The following IMMP2L variants were observed in gnomAD, a reference collection of about 807,000 sequenced individuals.
IMMP2L encodes mitochondrial inner membrane protease subunit 2.
In IMMP2L, 18 loss-of-function variants were observed where a neutral mutation model predicts 19.3. That is an observed-to-expected ratio of 0.93 (90% CI 0.64 to 1.38). The LOEUF (loss-of-function observed/expected upper bound fraction) is 1.38, where lower values mean the gene tolerates loss of function less well. Ranked by LOEUF, IMMP2L falls within the 40% of genes most tolerant of loss-of-function variation. The pLI is 0.00. For missense variants in IMMP2L, 233 were observed against 218.2 expected, an observed-to-expected ratio of 1.07 and a Z score of -0.43; for synonymous variants, 76 against 73.0, an observed-to-expected ratio of 1.04 and a Z score of -0.21.
At chr7:110,761,697 G>C (rs1798359338) in intron 5 of IMMP2L, among the ~76,000 whole-genome samples, 1 of 152,140 alleles carries the variant, frequency 6.6e-6, no homozygotes, top group Non-Finnish European at 1.5e-5. Flanking sequence ...ACTATCTTGT[G>C]AAGCAAATAT....
At position 110,870,871 on chromosome 7, in the gene IMMP2L, T is replaced by C. The variant is rs533843969; in HGVS notation, c.408+15722A>G. 2.6e-5 allele frequency among the ~76,000 whole-genome samples: 4 copies of C among 152,258 alleles called. No homozygotes were observed. The highest frequency in any genetic ancestry group is 7.2e-5 in the African/African-American group (3 of 41,566). ...AACAGGAAGCCACTGAAGTGTTTCATGTAGGCTAGAGATCGGGTTTGAGGA... is the reference window on the plus strand; with the variant it reads ...AACAGGAAGCCACTGAAGTGTTTCACGTAGGCTAGAGATCGGGTTTGAGGA... On this transcript the variant is annotated intron_variant, in intron 5 of 5. Coordinates refer to ENST00000405709, the MANE Select transcript of IMMP2L (RefSeq NM_032549.4). The surrounding 1 kb of genome is among the most constrained non-coding windows in gnomAD (Gnocchi z 4.2).
intron 5 of IMMP2L, among the ~76,000 whole-genome samples, chr7:110,798,014 A>G (rs1317514587): frequency 1.3e-5 from 2 of 152,038 alleles, no homozygotes; most frequent in East Asian, 3.9e-4. Flanking sequence ...ATTAACACAA[A>G]AGAAATGCCA....
chr7:110,714,764 T>G (rs1412966246), intron 5 of IMMP2L, among the ~76,000 whole-genome samples: 1 of 152,066 alleles, frequency 6.6e-6, no homozygotes, highest in African/African-American at 2.4e-5. Context: ...GCCCAGCTAA[T>G]TTTTGTATTT....
At chr7:110,691,056 C>T (rs779595645) in intron 5 of IMMP2L, among the ~76,000 whole-genome samples, 35 of 152,072 alleles carry the variant, frequency 2.3e-4, no homozygotes, top group Admixed American at 2.0e-4. Context: ...CATCACATTA[C>T]CCAACTTCAA....
chr7:111,451,603 C>A (rs1228874215), intron 3 of IMMP2L, among the ~76,000 whole-genome samples: 3 of 147,892 alleles, frequency 2.0e-5, no homozygotes, highest in African/African-American at 7.5e-5. Flanking sequence ...GGGAGATATA[C>A]CTAATGCTAG....
chr7:110,703,177 C>G (rs1447324701), intron 5 of IMMP2L, among the ~76,000 whole-genome samples: 2 of 152,020 alleles, frequency 1.3e-5, no homozygotes. Context: ...AATGCTTTTT[C>G]TGCATCAGTT....
At chr7:111,201,176 C>T (rs1810062611) in intron 3 of IMMP2L, among the ~76,000 whole-genome samples, 1 of 151,560 alleles carries the variant, frequency 6.6e-6, no homozygotes, top group Non-Finnish European at 1.5e-5. Context: ...ATCTTTTAAA[C>T]ACAAACAATT....
chr7:111,184,015 A>G (rs899162206), intron 3 of IMMP2L, among the ~76,000 whole-genome samples: 12 of 152,200 alleles, frequency 7.9e-5, no homozygotes, highest in African/African-American at 2.6e-4. Flanking sequence ...TGTCGTCACA[A>G]TAATAGGGAC....
intron 3 of IMMP2L, among the ~76,000 whole-genome samples, chr7:111,136,642 A>G (rs960785924): frequency 8.5e-5 from 13 of 152,176 alleles, no homozygotes; most frequent in Non-Finnish European, 1.6e-4. Context: ...CAGGTGTGCT[A>G]ATCTCTAATC....
At chr7:111,366,087 A>C (rs1829732855) in intron 3 of IMMP2L, among the ~76,000 whole-genome samples, 1 of 152,070 alleles carries the variant, frequency 6.6e-6, no homozygotes, top group South Asian at 2.1e-4. Flanking sequence ...CTAAATCAAG[A>C]AGAGAAATTT....
chr7:111,046,211 A>G lies in IMMP2L; in HGVS notation c.240-82646T>C, dbSNP rs1014776572. ...ATGTATAGTCATTAAAATTTTAAAA[A>G]GAACCAATAGATTAAATAAACTGTA... On this transcript the variant is annotated intron_variant, in intron 3 of 5. Coordinates refer to ENST00000405709, the MANE Select transcript of IMMP2L (RefSeq NM_032549.4). Among the ~76,000 whole-genome samples, 5 of 152,282 alleles carry G rather than the reference A, an allele frequency of 3.3e-5. No homozygotes were observed. The East Asian group carries it at 9.6e-4, about 29-fold the overall frequency.
intron 2 of IMMP2L, among the ~76,000 whole-genome samples, chr7:111,491,195 T>C (rs1843067919): frequency 6.6e-6 from 1 of 152,124 alleles, no homozygotes; most frequent in Non-Finnish European, 1.5e-5. Context: ...TACTTTATTG[T>C]AAAAATATAG....
intron 4 of IMMP2L, among the ~76,000 whole-genome samples, chr7:110,945,432 G>T (rs574793973): frequency 1.3e-4 from 20 of 151,806 alleles, no homozygotes; most frequent in African/African-American, 4.4e-4. Context: ...TACCCACCTC[G>T]CTTGCTTCTT....
At position 110,925,818 on chromosome 7, in the gene IMMP2L, TGAAGA is replaced by T. The variant is rs1416806305; in HGVS notation, c.305+37677_305+37681del. 2.6e-5 allele frequency among the ~76,000 whole-genome samples: 4 copies of T among 151,980 alleles called. No individual in the cohort carries two copies. The East Asian group carries it at 7.7e-4, about 29-fold the overall frequency. On this transcript the variant is annotated intron_variant, in intron 4 of 5. Transcript: ENST00000405709. ...AATCCACGAGAAAAGAAAATATTAA[TGAAGA>T]GAATACAAAGAAGGCAAAAATAGGA...
At chr7:110,830,135 G>C (rs1024025818) in intron 5 of IMMP2L, among the ~76,000 whole-genome samples, 2 of 152,118 alleles carry the variant, frequency 1.3e-5, no homozygotes, top group African/African-American at 4.8e-5. Flanking sequence ...TACCGTGCAT[G>C]AGAAAAGAGG....
Position 111,314,852 on chromosome 7 carries a change from G to T in IMMP2L, c.239+172386C>A, listed in dbSNP as rs572079857. ...GAGACCTATGGAATATAATTGCAAG[G>T]GTAGTAAAAATGTAACTTAAATTAA... On this transcript the variant is annotated intron_variant, in intron 3 of 5. Coordinates refer to ENST00000405709, the MANE Select transcript of IMMP2L (RefSeq NM_032549.4). 2.6e-5 allele frequency among the ~76,000 whole-genome samples: 4 copies of T among 152,054 alleles called. No individual in the cohort carries two copies. In the South Asian group the frequency reaches 8.3e-4, roughly 32 times the overall value.
At chr7:111,054,408 C>A (rs1322812093) in intron 3 of IMMP2L, among the ~76,000 whole-genome samples, 1 of 152,202 alleles carries the variant, frequency 6.6e-6, no homozygotes, top group Non-Finnish European at 1.5e-5. Flanking sequence ...CATCAGGGCA[C>A]ACCAAATGGC....
chr7:110,814,247 T>A (rs1322806759), intron 5 of IMMP2L, among the ~76,000 whole-genome samples: 2 of 151,934 alleles, frequency 1.3e-5, no homozygotes, highest in African/African-American at 4.8e-5. Context: ...GTGTATAATG[T>A]TTTTATAAGC....
At chr7:111,023,942 T>TC (rs1440707729) in intron 3 of IMMP2L, among the ~76,000 whole-genome samples, 2 of 152,110 alleles carry the variant, frequency 1.3e-5, no homozygotes, top group African/African-American at 4.8e-5. Context: ...AGGTGAATAG[T>TC]CCAGTATATA....
Sources: allele counts gnomAD v4.1 joint callset (sites outside exome capture counted in the v4.1 genomes callset), GRCh38; gene constraint gnomAD v4.1.1; non-coding constraint Gnocchi (gnomAD v3.1); transcripts MANE v1.5; gene names NCBI Gene and HGNC (gene_info 2026-07-23, HGNC 2026-07-21).